KIF13A: variants seen among roughly 807,000 people sequenced by gnomAD.
The protein encoded by KIF13A is kinesin family member 13A, also known as kinesin-like protein KIF13A.
In KIF13A, 79 loss-of-function variants were observed where a neutral mutation model predicts 212.2. The ratio of observed to expected loss-of-function variants is 0.37; its 90% CI spans 0.31 to 0.45. The LOEUF is 0.45. KIF13A is among the 20% of genes least tolerant of loss of function. KIF13A has a pLI of 1.00. For synonymous variants in KIF13A, 789 were observed against 808.6 expected, an observed-to-expected ratio of 0.98 and a Z score of 0.41; for missense variants, 1,901 against 2,209.0, an observed-to-expected ratio of 0.86 and a Z score of 2.79.
At chr6:17,815,184 G>A (rs897167355) in intron 17 of KIF13A, among the ~76,000 whole-genome samples, 9 of 152,240 alleles carry the variant, frequency 5.9e-5, no homozygotes, top group Non-Finnish European at 1.2e-4. Flanking sequence ...GTATTTCAAA[G>A]ACTTTAAGTA....
intron 2 of KIF13A, among the ~76,000 whole-genome samples, chr6:17,948,183 C>CAA (rs1368166425): frequency 6.6e-6 from 1 of 152,158 alleles, no homozygotes; most frequent in Non-Finnish European, 1.5e-5. Context: ...TGACTGGTCT[C>CAA]AGACTAAAAG....
In KIF13A at chr6:17,843,839, G is replaced by C. The variant is rs1325326372; in HGVS notation, c.830+5538C>G. Among the ~76,000 whole-genome samples, 1 of 152,130 alleles carries C rather than the reference G, an allele frequency of 6.6e-6. No individual in the cohort carries two copies. Among genetic ancestry groups the C allele is most frequent in the Non-Finnish European group, 1.5e-5 (1 of 68,030 alleles). ...GGGGGCACATCACCTGAGGTCAGGA[G>C]TTTGAGACCAGCCTGGCCAACATGG... On this transcript the variant is annotated intron_variant, in intron 9 of 38. Transcript: ENST00000259711. The surrounding 1 kb of genome is among the most constrained non-coding windows in gnomAD (Gnocchi z 5.3).
chr6:17,815,523 GC>G, intron 17 of KIF13A: 1 of 327,514 alleles, frequency 3.1e-6, no homozygotes, highest in Non-Finnish European at 6.5e-6. Flanking sequence ...AGACCAGGGA[GC>G]CCTCTAGTGG....
chr6:17,937,785 T>C (rs1776605488), intron 2 of KIF13A, among the ~76,000 whole-genome samples: 1 of 151,464 alleles, frequency 6.6e-6, no homozygotes, highest in South Asian at 2.1e-4. Context: ...AGTCTCGCTC[T>C]GTCGACCAGG....
chr6:17,881,682 C>T (rs1581624310), intron 3 of KIF13A: 2 of 337,726 alleles, frequency 5.9e-6, no homozygotes, highest in Admixed American at 8.1e-5. Context: ...GGCGACAGAG[C>T]TAGACTGTGT....
In KIF13A at chr6:17,768,673, A is replaced by T. The variant is rs1353549637; in HGVS notation, c.4581+2441T>A. Among the ~76,000 whole-genome samples the T allele has an allele frequency of 6.6e-6, 1 of 152,214 alleles. No individual in the cohort carries two copies. The highest frequency in any genetic ancestry group is 2.4e-5 in the African/African-American group (1 of 41,446). On this transcript the variant is annotated intron_variant, in intron 38 of 38. Transcript: ENST00000259711. This position sits in a 1 kb window ranked among gnomAD's most constrained non-coding sequence, Gnocchi z 5.4. ...TGGGGCTCTTTGGTCTTATGCTATCATTAACTGTGAGACCTTGAGCAAGTT... is the reference window on the plus strand; with the variant it reads ...TGGGGCTCTTTGGTCTTATGCTATCTTTAACTGTGAGACCTTGAGCAAGTT...
At chr6:17,864,062 T>C (rs1475930598) in intron 4 of KIF13A, among the ~76,000 whole-genome samples, 6 of 152,274 alleles carry the variant, frequency 3.9e-5, no homozygotes, top group East Asian at 1.9e-4. Flanking sequence ...GGGGAAAGCA[T>C]ACCAGCCCAT....
At chr6:17,759,281 CACAT>C (rs1758485457), downstream of KIF13A, 1 of 151,964 alleles carries the variant, frequency 6.6e-6, no homozygotes, top group Non-Finnish European at 1.5e-5. Flanking sequence ...TATTCTAAAA[CACAT>C]ACACACACAC....
In KIF13A at chr6:17,783,675, T is replaced by C; in HGVS notation, c.3515A>G (p.His1172Arg). The change falls in exon 29 of 39, where the codon CAC (histidine) becomes CGC (arginine). Residue 1172 changes from histidine to arginine, a missense_variant. This residue lies in a region of KIF13A where 168 missense variants were observed against 250.9 expected (regional missense o/e 0.67). Transcript: ENST00000259711. The surrounding 1 kb of genome is among the most constrained non-coding windows in gnomAD (Gnocchi z 4.3). ...CAAATCGAGGAAGAGAACTGGTATG[T>C]GGGTTTCCATTCCAGGAGGTGGGAT... Reference protein sequence around the residue: ...DWIPPPGMETHIPVLFLDLNA... With the variant: ...DWIPPPGMETRIPVLFLDLNA... 6.3e-7 allele frequency: 1 copy of C among 1,582,106 alleles called. No individual in the cohort carries two copies. Among genetic ancestry groups the C allele is most frequent in the Non-Finnish European group, 8.6e-7 (1 of 1,160,572 alleles).
chr6:17,828,936 C>G lies in KIF13A; in HGVS notation c.1402-566G>C, dbSNP rs1765195467. 6.7e-6 allele frequency among the ~76,000 whole-genome samples: 1 copy of G among 148,914 alleles called. No individual in the cohort carries two copies. Among genetic ancestry groups the G allele is most frequent in the Non-Finnish European group, 1.5e-5 (1 of 67,502 alleles). On this transcript the variant is annotated intron_variant, in intron 13 of 38. Coordinates refer to ENST00000259711, the MANE Select transcript of KIF13A (RefSeq NM_022113.6). The surrounding 1 kb of genome is among the most constrained non-coding windows in gnomAD (Gnocchi z 4.3). ...CAGTATTAATGCCTGTGGGTCATAC[C>G]ATGTACAAACGTGTGATTTTTTTTT...
At chr6:17,981,426 CTTTTT>C (rs565958562) in intron 2 of KIF13A, among the ~76,000 whole-genome samples, 3 of 134,286 alleles carry the variant, frequency 2.2e-5, no homozygotes, top group Non-Finnish European at 4.8e-5. Context: ...TTTCTTTTTT[CTTTTT>C]TTTTTTTTTT....
rs78196217 is a variant in KIF13A, at chr6:17,939,716, C to T, written c.147-41536G>A. Among the ~76,000 whole-genome samples the T allele has an allele frequency of 6.8e-4, 104 of 152,318 alleles. No individual in the cohort carries two copies. In the East Asian group the frequency reaches 0.02, roughly 29 times the overall value. ...GGAAAGTGACCCCTGGTCATCTTCA[C>T]TGCTCATTATATGCTAATTATAATT... On this transcript the variant is annotated intron_variant, in intron 2 of 38. Coordinates refer to ENST00000259711, the MANE Select transcript of KIF13A (RefSeq NM_022113.6).
At position 17,982,064 on chromosome 6, in the gene KIF13A, G is replaced by A. The variant is rs935274599; in HGVS notation, c.146+4990C>T. ...TGGATTTTGAATTTTTCTTGAATTT[G>A]GAATATATGCATTATATACTTACCA... On this transcript the variant is annotated intron_variant, in intron 2 of 38. Transcript: ENST00000259711. This position sits in a 1 kb window ranked among gnomAD's most constrained non-coding sequence, Gnocchi z 5.1. Among the ~76,000 whole-genome samples the A allele has an allele frequency of 6.6e-6, 1 of 151,752 alleles. No individual in the cohort carries two copies. The highest frequency in any genetic ancestry group is 2.1e-4 in the South Asian group (1 of 4,826).
At position 17,977,114 on chromosome 6, in the gene KIF13A, CAAA is replaced by C. The variant is rs398000718; in HGVS notation, c.146+9937_146+9939del. Among the ~76,000 whole-genome samples, 98 of 106,658 alleles carry C rather than the reference CAAA, an allele frequency of 9.2e-4. 1 individual carries two copies. Among genetic ancestry groups the C allele is most frequent in the Admixed American group, 5.4e-3 (51 of 9,502 alleles). 70.0% of individuals were successfully genotyped at this position (106,658 alleles called of 152,430 possible). On this transcript the variant is annotated intron_variant, in intron 2 of 38. Coordinates refer to ENST00000259711, the MANE Select transcript of KIF13A (RefSeq NM_022113.6). ...GAGACTCCGTCTCAAAAAACAACAACAAAAAAAAAAAAAAAAAAAAAAGAAATG... is the reference window on the plus strand; with the variant it reads ...GAGACTCCGTCTCAAAAAACAACAACAAAAAAAAAAAAAAAAAAAGAAATG...
intron 19 of KIF13A, among the ~76,000 whole-genome samples, chr6:17,805,090 C>T (rs1052613321): frequency 3.3e-5 from 5 of 151,992 alleles, no homozygotes; most frequent in Non-Finnish European, 4.4e-5. Context: ...GCTAGGGGTG[C>T]GTGAACACAC....
Position 17,843,608 on chromosome 6 carries a change from C to A in KIF13A, c.830+5769G>T, listed in dbSNP as rs1289090936. Among the ~76,000 whole-genome samples the A allele has an allele frequency of 6.6e-6, 1 of 152,178 alleles. No individual in the cohort carries two copies. Among genetic ancestry groups the A allele is most frequent in the African/African-American group, 2.4e-5 (1 of 41,444 alleles). ...AGATCATGAAGATGACATGAACACACATTAAAGTTAGTAGAGCTGTGTGCA... is the reference window on the plus strand; with the variant it reads ...AGATCATGAAGATGACATGAACACAAATTAAAGTTAGTAGAGCTGTGTGCA... On this transcript the variant is annotated intron_variant, in intron 9 of 38. Transcript: ENST00000259711. This position sits in a 1 kb window ranked among gnomAD's most constrained non-coding sequence, Gnocchi z 5.3.
At chr6:17,840,411 T>C (rs1195463481) in intron 9 of KIF13A, among the ~76,000 whole-genome samples, 1 of 152,222 alleles carries the variant, frequency 6.6e-6, no homozygotes, top group Non-Finnish European at 1.5e-5. Context: ...TTGCAACTAT[T>C]GATATTTTTG....
rs1041426309 is a variant in KIF13A, at chr6:17,855,586, A to G, written c.345T>C (p.His115=). The G allele has an allele frequency of 6.2e-7, 1 of 1,603,912 alleles. No individual in the cohort carries two copies. Among genetic ancestry groups the G allele is most frequent in the African/African-American group, 1.3e-5 (1 of 74,168 alleles). The change falls in exon 6 of 39, where the codon CAT becomes CAC. Residue 115 remains histidine (H), a synonymous_variant. Transcript: ENST00000259711. The surrounding 1 kb of genome is among the most constrained non-coding windows in gnomAD (Gnocchi z 4.1). ...GSGKSFSMMG[H]AEQLGLIPRL... The stretch of plus-strand genomic sequence containing the variant: ...TTGGAATAAGGCCCAGCTGCTCAGC[A>G]TGGCCCATCATGGAAAAGGATTTTC...
chr6:17,772,178 A>G lies in KIF13A; in HGVS notation c.4325-119T>C. On this transcript the variant is annotated intron_variant, in intron 36 of 38. Coordinates refer to ENST00000259711, the MANE Select transcript of KIF13A (RefSeq NM_022113.6). The surrounding 1 kb of genome is among the most constrained non-coding windows in gnomAD (Gnocchi z 4.8). The stretch of plus-strand genomic sequence containing the variant: ...GGAGAACAATGAAATTCATAGGCTA[A>G]TATTTGGCTAAGCATTAAAACAGAT... The G allele has an allele frequency of 1.1e-6, 1 of 951,358 alleles. No individual in the cohort carries two copies. The highest frequency in any genetic ancestry group is 1.6e-6 in the Non-Finnish European group (1 of 631,544). The allele number at this position is 951,358 out of a possible 1,614,324, so 58.9% of individuals were successfully genotyped here.
Sources: gnomAD v4.1 joint callset for allele counts (sites outside exome capture counted in the v4.1 genomes callset) on GRCh38, gnomAD v4.1.1 for gene constraint, gnomAD v4.1.1 regional missense constraint, Gnocchi (gnomAD v3.1) non-coding constraint, MANE v1.5 for transcripts, NCBI Gene and HGNC (gene_info 2026-07-23, HGNC 2026-07-21) for gene names.